EEF1AKMT1: variants seen among roughly 807,000 people sequenced by gnomAD.
EEF1AKMT1 encodes EEF1A lysine methyltransferase 1, also known as N-6 adenine-specific DNA methyltransferase 2 (putative).
In EEF1AKMT1, 18 loss-of-function variants were observed where a neutral mutation model predicts 21.0. The ratio of observed to expected loss-of-function variants is 0.86; its 90% CI spans 0.59 to 1.27. The LOEUF (loss-of-function observed/expected upper bound fraction) is 1.27, where lower values mean the gene tolerates loss of function less well. EEF1AKMT1 is among the 50% of genes most tolerant of loss of function. The probability of loss-of-function intolerance (pLI) is 0.00; values close to 1 mark genes in which losing one functional copy is unlikely to be tolerated. For synonymous variants in EEF1AKMT1, 109 were observed against 94.8 expected (o/e 1.15, Z -0.87); for missense variants, 246 against 258.6 (o/e 0.95, Z 0.33).
intron 2 of EEF1AKMT1, among the ~76,000 whole-genome samples, chr13:20,751,861 C>T (rs1595023378): frequency 6.6e-6 from 1 of 152,112 alleles, no homozygotes; most frequent in East Asian, 1.9e-4. Context: ...ACACCTTTCA[C>T]CTCCTTGGTT....
chr13:20,750,555 T>C (rs2058934904), intron 2 of EEF1AKMT1, among the ~76,000 whole-genome samples: 2 of 152,346 alleles, frequency 1.3e-5, no homozygotes, highest in South Asian at 4.1e-4. Flanking sequence ...AGTATTCCAT[T>C]GTGTATATAC....
At chr13:20,732,451 C>T (rs566362702) in intron 3 of EEF1AKMT1, among the ~76,000 whole-genome samples, 1 of 152,300 alleles carries the variant, frequency 6.6e-6, no homozygotes, top group Non-Finnish European at 1.5e-5. Flanking sequence ...CCTGCTATTC[C>T]TCCCAAGTAG....
chr13:20,758,364 G>A (rs2058981976), intron 1 of EEF1AKMT1, among the ~76,000 whole-genome samples: 1 of 152,186 alleles, frequency 6.6e-6, no homozygotes, highest in African/African-American at 2.4e-5. Context: ...TGACCAGGAA[G>A]CCCTCCACTT....
chr13:20,739,299 G>A (rs1041902558), intron 2 of EEF1AKMT1, among the ~76,000 whole-genome samples: 1 of 152,188 alleles, frequency 6.6e-6, no homozygotes, highest in South Asian at 2.1e-4. Context: ...CATTTATTGT[G>A]AGGAGCAAAA....
intron 2 of EEF1AKMT1, among the ~76,000 whole-genome samples, chr13:20,742,708 C>T (rs1244357326): frequency 6.6e-6 from 1 of 152,212 alleles, no homozygotes; most frequent in Non-Finnish European, 1.5e-5. Flanking sequence ...GCAAGCCAAA[C>T]TCACAGAATA....
chr13:20,762,028 G>A (rs969827591), intron 1 of EEF1AKMT1, among the ~76,000 whole-genome samples: 1 of 152,086 alleles, frequency 6.6e-6, no homozygotes, highest in Admixed American at 6.5e-5. Context: ...TGAGTCTGGA[G>A]GCATAGGATG....
chr13:20,772,020 A>AT (rs925812123), intron 1 of EEF1AKMT1, among the ~76,000 whole-genome samples: 7 of 151,726 alleles, frequency 4.6e-5, no homozygotes, highest in African/African-American at 1.7e-4. Flanking sequence ...TCAAAAAAAA[A>AT]AAATTAAATT....
chr13:20,771,795 T>C lies in EEF1AKMT1; in HGVS notation c.-20+2126A>G, dbSNP rs569295354. Among the ~76,000 whole-genome samples, 4 of 152,220 alleles carry C rather than the reference T, an allele frequency of 2.6e-5. No individual in the cohort carries two copies. The East Asian group carries it at 7.7e-4, about 29-fold the overall frequency. ...GGAGATCGAGGCGGGCAGATCACCT[T>C]AGGTAAAGAATTCGGGATCAGCCTG... On this transcript the variant is annotated intron_variant, in intron 1 of 4. Transcript: ENST00000382758.
intron 2 of EEF1AKMT1, among the ~76,000 whole-genome samples, chr13:20,748,726 G>GGT (rs1555326512): frequency 4.1e-5 from 3 of 72,614 alleles, no homozygotes; most frequent in African/African-American, 6.3e-5. Flanking sequence ...TTTTTTTTTG[G>GGT]TTTTTTTTTT....
intron 3 of EEF1AKMT1, 132 bp from the exon 4 acceptor site, chr13:20,732,253 G>T: frequency 2.1e-6 from 2 of 933,200 alleles, no homozygotes; most frequent in Non-Finnish European, 3.1e-6. Flanking sequence ...GCAAACTAGT[G>T]TAATAGTTAA....
chr13:20,763,604 C>CTGTACT (rs1169210109), intron 1 of EEF1AKMT1, among the ~76,000 whole-genome samples: 3 of 152,058 alleles, frequency 2.0e-5, no homozygotes, highest in Admixed American at 6.6e-5. Flanking sequence ...AGGTGCCTAC[C>CTGTACT]ACCCACCCTG....
At chr13:20,766,124 C>A (rs2059030223) in intron 1 of EEF1AKMT1, among the ~76,000 whole-genome samples, 1 of 150,930 alleles carries the variant, frequency 6.6e-6, no homozygotes, top group African/African-American at 2.4e-5. Context: ...ATGGTGAAAC[C>A]CCATCTCTAC....
chr13:20,728,999 T>G lies in EEF1AKMT1; in HGVS notation c.*81A>C. ...TCCAGTTTGGGGGGAGGGGAAGAGA[T>G]TATAACTTTTAAATCTACTACGAAA... is the stretch of plus-strand genomic sequence containing the variant. On this transcript the variant is annotated 3_prime_UTR_variant, in exon 5 of 5. Coordinates refer to ENST00000382758, the MANE Select transcript of EEF1AKMT1 (RefSeq NM_001318939.2). 6.4e-7 allele frequency: 1 copy of G among 1,557,224 alleles called. No homozygotes were observed. Among genetic ancestry groups the G allele is most frequent in the South Asian group, 1.1e-5 (1 of 87,976 alleles).
chr13:20,749,817 A>G (rs868559885), intron 2 of EEF1AKMT1, among the ~76,000 whole-genome samples: 3 of 152,220 alleles, frequency 2.0e-5, no homozygotes, highest in Non-Finnish European at 4.4e-5. Flanking sequence ...AGCTATTGAG[A>G]AGTGCAATGT....
chr13:20,734,577 ATTAT>A (rs10594463), intron 3 of EEF1AKMT1, among the ~76,000 whole-genome samples: 6,908 of 147,596 alleles, frequency 0.047, 245 homozygotes, highest in African/African-American at 0.097. Flanking sequence ...TCTTTATTTT[ATTAT>A]TTATTTATTT....
chr13:20,735,639 T>C (rs2058822350), intron 3 of EEF1AKMT1, among the ~76,000 whole-genome samples: 1 of 152,124 alleles, frequency 6.6e-6, no homozygotes, highest in Non-Finnish European at 1.5e-5. Flanking sequence ...ACTGTAGAGA[T>C]CAAAGCAGAT....
chr13:20,740,011 G>C (rs543281737), intron 2 of EEF1AKMT1, among the ~76,000 whole-genome samples: 1 of 152,260 alleles, frequency 6.6e-6, no homozygotes, highest in African/African-American at 2.4e-5. Flanking sequence ...CTCAGGCTGC[G>C]CGGGAGCCCA....
chr13:20,736,733 C>CTTTTTTTTTTT lies in EEF1AKMT1; in HGVS notation c.227+979_227+989dup, dbSNP rs71087090. The stretch of plus-strand genomic sequence containing the variant: ...CATTAAGCCTTTTAGAACCATTTGA[C>CTTTTTTTTTTT]TTTTTTTTTTTTTTTTTTTTTTGAG... On this transcript the variant is annotated intron_variant, in intron 3 of 4. Coordinates refer to ENST00000382758, the MANE Select transcript of EEF1AKMT1 (RefSeq NM_001318939.2). Among the ~76,000 whole-genome samples, 5 of 87,070 alleles carry CTTTTTTTTTTT rather than the reference C, an allele frequency of 5.7e-5. 1 individual carries two copies. Among genetic ancestry groups the CTTTTTTTTTTT allele is most frequent in the Admixed American group, 1.6e-4 (1 of 6,138 alleles). 57.1% of individuals were successfully genotyped at this position (87,070 alleles called of 152,430 possible).
chr13:20,754,741 CAAAAAA>C (rs56777421), intron 2 of EEF1AKMT1, among the ~76,000 whole-genome samples: 5,735 of 116,656 alleles, frequency 0.049, 211 homozygotes, highest in African/African-American at 0.14. Flanking sequence ...ACCAAAAATA[CAAAAAA>C]AAAAAAAAAA....
Sources: gnomAD v4.1 joint callset for allele counts (sites outside exome capture counted in the v4.1 genomes callset) on GRCh38, gnomAD v4.1.1 for gene constraint, MANE v1.5 for transcripts, NCBI Gene and HGNC (gene_info 2026-07-23, HGNC 2026-07-21) for gene names.